Variants in DUSP29 observed in about 807,000 individuals in gnomAD.
The protein encoded by DUSP29 is dual specificity phosphatase 29.
A neutral mutation model predicts 13.5 loss-of-function variants in DUSP29; 12 were observed. That is an observed-to-expected ratio of 0.89 (90% CI 0.57 to 1.44). The LOEUF is 1.44. Ranked by LOEUF, DUSP29 falls within the 40% of genes most tolerant of loss-of-function variation. The pLI is 0.00. For missense variants in DUSP29, 308 were observed against 301.1 expected (o/e 1.02, Z -0.17); for synonymous variants, 134 against 128.7 (o/e 1.04, Z -0.28).
At chr10:75,066,919 T>C (rs896234388) in intron 1 of DUSP29, among the ~76,000 whole-genome samples, 1 of 152,014 alleles carries the variant, frequency 6.6e-6, no homozygotes, top group African/African-American at 2.4e-5. Flanking sequence ...TTGTGGATCT[T>C]GAAGCTTATT....
chr10:75,060,468 TA>T (rs56741186), intron 1 of DUSP29, among the ~76,000 whole-genome samples: 2,631 of 124,366 alleles, frequency 0.021, 48 homozygotes, highest in East Asian at 0.05. Flanking sequence ...TGAGACCTTA[TA>T]AAAAAAAAAA....
intron 1 of DUSP29, among the ~76,000 whole-genome samples, chr10:75,067,179 C>T (rs1273031512): frequency 6.6e-6 from 1 of 151,888 alleles, no homozygotes; most frequent in Non-Finnish European, 1.5e-5. Flanking sequence ...AGGCTGGTCT[C>T]GGACTCCTGA....
chr10:75,057,381 G>T (rs991645014), intron 2 of DUSP29, among the ~76,000 whole-genome samples: 19 of 152,184 alleles, frequency 1.2e-4, no homozygotes, highest in Non-Finnish European at 2.4e-4. Context: ...CTGGAGTCCG[G>T]GAGAGTGGAG....
intron 1 of DUSP29, among the ~76,000 whole-genome samples, chr10:75,060,691 G>C (rs972245042): frequency 2.6e-5 from 4 of 152,162 alleles, no homozygotes; most frequent in African/African-American, 7.2e-5. Flanking sequence ...CACCTGATGA[G>C]TTGCTGCATC....
intron 2 of DUSP29, among the ~76,000 whole-genome samples, chr10:75,055,961 G>A (rs947441206): frequency 1.3e-5 from 2 of 152,090 alleles, no homozygotes; most frequent in African/African-American, 4.8e-5. Flanking sequence ...TCAGGCTAAA[G>A]TGCAGTGGCA....
At chr10:75,053,930 G>C (rs1846899884) in intron 2 of DUSP29, among the ~76,000 whole-genome samples, 1 of 152,144 alleles carries the variant, frequency 6.6e-6, no homozygotes, top group Non-Finnish European at 1.5e-5. Flanking sequence ...CTCCTTTATA[G>C]GGTTGTTGAG....
At chr10:75,041,451 T>G (rs1309572085) in intron 3 of DUSP29, among the ~76,000 whole-genome samples, 2 of 152,320 alleles carry the variant, frequency 1.3e-5, no homozygotes, top group African/African-American at 2.4e-5. Flanking sequence ...AAGACAAGCA[T>G]TAGCTGAGGC....
At chr10:75,054,319 T>C (rs770566612) in intron 2 of DUSP29, among the ~76,000 whole-genome samples, 7 of 152,226 alleles carry the variant, frequency 4.6e-5, no homozygotes, top group Non-Finnish European at 1.0e-4. Flanking sequence ...TGTAAAGATG[T>C]CCACTGCAGT....
At chr10:75,048,769 T>C (rs1846759211) in intron 2 of DUSP29, among the ~76,000 whole-genome samples, 1 of 152,178 alleles carries the variant, frequency 6.6e-6, no homozygotes, top group African/African-American at 2.4e-5. Flanking sequence ...GTTCACCTGA[T>C]GGGAAAGTGA....
intron 2 of DUSP29, among the ~76,000 whole-genome samples, chr10:75,052,846 G>A (rs183880499): frequency 2.6e-4 from 39 of 152,354 alleles, no homozygotes; most frequent in African/African-American, 9.1e-4. Flanking sequence ...TTGTTAGAAC[G>A]TTTGCAGCCC....
intron 3 of DUSP29, among the ~76,000 whole-genome samples, chr10:75,039,162 G>A (rs1846533865): frequency 6.6e-6 from 1 of 152,128 alleles, no homozygotes; most frequent in Admixed American, 6.5e-5. Flanking sequence ...AGAGATCAGC[G>A]CCCCTCTCAT....
chr10:75,047,838 T>C (rs1287381195), intron 2 of DUSP29, among the ~76,000 whole-genome samples: 3 of 152,238 alleles, frequency 2.0e-5, no homozygotes, highest in Non-Finnish European at 1.5e-5. Context: ...ATAAAGGCTA[T>C]TGTTAGCTTT....
intron 1 of DUSP29, among the ~76,000 whole-genome samples, chr10:75,067,367 G>A (rs1239637638): frequency 6.6e-6 from 1 of 152,160 alleles, no homozygotes; most frequent in East Asian, 1.9e-4. Context: ...GAGTAGGGGG[G>A]ATCTTCCTTC....
intron 2 of DUSP29, among the ~76,000 whole-genome samples, chr10:75,053,235 C>T (rs1453115056): frequency 6.6e-6 from 1 of 152,178 alleles, no homozygotes; most frequent in African/African-American, 2.4e-5. Flanking sequence ...TGAAAGTGTA[C>T]CACATTCATC....
intron 2 of DUSP29, among the ~76,000 whole-genome samples, chr10:75,045,115 C>G (rs116701405): frequency 0.074 from 11,199 of 152,202 alleles, 908 homozygotes; most frequent in African/African-American, 0.18. Context: ...CCAGCACTTT[C>G]GGAAGCCGAG....
intron 1 of DUSP29, among the ~76,000 whole-genome samples, chr10:75,070,096 AG>A (rs1847296721): frequency 1.7e-5 from 2 of 119,708 alleles, no homozygotes; most frequent in South Asian, 2.6e-4. Flanking sequence ...GAAGGAAGGA[AG>A]GAAGGAAGGA....
At chr10:75,042,961 T>C (rs569382859) in intron 3 of DUSP29, among the ~76,000 whole-genome samples, 2 of 152,242 alleles carry the variant, frequency 1.3e-5, no homozygotes, top group Non-Finnish European at 2.9e-5. Flanking sequence ...AACTGTATAT[T>C]GTCTTACCCC....
intron 2 of DUSP29, among the ~76,000 whole-genome samples, chr10:75,047,827 G>A (rs1846737515): frequency 6.6e-6 from 1 of 152,198 alleles, no homozygotes; most frequent in Non-Finnish European, 1.5e-5. Flanking sequence ...CTCCCCTGGA[G>A]ATAAAGGCTA....
chr10:75,066,785 G>C (rs933790974), intron 1 of DUSP29, among the ~76,000 whole-genome samples: 1 of 152,026 alleles, frequency 6.6e-6, no homozygotes, highest in South Asian at 2.1e-4. Context: ...TGTCAAGTGG[G>C]AGCCCCCCGA....
Sources: allele counts gnomAD v4.1 joint callset (sites outside exome capture counted in the v4.1 genomes callset), GRCh38; gene constraint gnomAD v4.1.1; transcripts MANE v1.5; gene names NCBI Gene and HGNC (gene_info 2026-07-23, HGNC 2026-07-21).